ANKS6: variants seen among roughly 807,000 people sequenced by gnomAD.
ANKS6 encodes ankyrin repeat and SAM domain-containing protein 6.
A neutral mutation model predicts 77.9 loss-of-function variants in ANKS6; 47 were observed. The ratio of observed to expected loss-of-function variants is 0.60; its 90% CI spans 0.48 to 0.77. The LOEUF is 0.77. Ranked by LOEUF, ANKS6 falls within the 30% of genes least tolerant of loss-of-function variation. The pLI is 0.00. For synonymous variants in ANKS6, 488 were observed against 501.7 expected (o/e 0.97, Z 0.37); for missense variants, 1,150 against 1,159.1 (o/e 0.99, Z 0.11).
rs539167736 is a variant in ANKS6 at position 98,752,181 on chromosome 9, C to T, written c.2327-1085G>A. Among the ~76,000 whole-genome samples the T allele has an allele frequency of 3.3e-5, 5 of 152,316 alleles. No homozygotes were observed. In the East Asian group the frequency reaches 9.6e-4, roughly 29 times the overall value. ...GCATCAAGGTAAATGACAGCATTTC[C>T]AGTTTTACAAACGCTGTTTTACAGA... is the stretch of plus-strand genomic sequence containing the variant. On this transcript the variant is annotated intron_variant, in intron 12 of 14. Transcript: ENST00000353234.
intron 4 of ANKS6, among the ~76,000 whole-genome samples, chr9:98,783,162 C>G (rs1834374815): frequency 1.3e-5 from 2 of 151,822 alleles, no homozygotes; most frequent in South Asian, 4.2e-4. Context: ...GAGACAAAAC[C>G]AACAGCTCTG....
chr9:98,795,550 GCCTTTGCATGGGCCTC>G (rs1835129313), intron 1 of ANKS6, among the ~76,000 whole-genome samples: 1 of 152,148 alleles, frequency 6.6e-6, no homozygotes, highest in South Asian at 2.1e-4. Context: ...GTGCACCCAA[GCCTTTGCATGGGCCTC>G]CCATCATGCC....
intron 11 of ANKS6, among the ~76,000 whole-genome samples, chr9:98,761,307 T>C (rs1188538664): frequency 6.6e-6 from 1 of 152,202 alleles, no homozygotes; most frequent in Non-Finnish European, 1.5e-5. Flanking sequence ...CCTCACTCTG[T>C]AGCCCAGGCT....
rs373863905 is a variant in ANKS6 at position 98,778,289 on chromosome 9, C to T, written c.1504G>A (p.Ala502Thr). Residue 502 changes from alanine (A) to threonine (T), a missense_variant, in exon 7 of 15, where the codon GCC (alanine) becomes ACC (threonine). Coordinates refer to ENST00000353234, the MANE Select transcript of ANKS6 (RefSeq NM_173551.5). Reference sequence around the variant, plus strand: ...GAGCGGCTTGTCTTGTCCTGGGGGGCAGCCCTCATTGTGGAGTCCAGAGCT... The same window carrying T: ...GAGCGGCTTGTCTTGTCCTGGGGGGTAGCCCTCATTGTGGAGTCCAGAGCT... The part of the protein sequence containing the change: ...EPALDSTMRA[A>T]PQDKTSRSAL... The T allele has an allele frequency of 6.2e-7, 1 of 1,613,992 alleles. No homozygotes were observed. Among genetic ancestry groups the T allele is most frequent in the East Asian group, 2.2e-5 (1 of 44,878 alleles).
chr9:98,791,114 TTC>T lies in ANKS6; in HGVS notation c.360-510_360-509del, dbSNP rs1306435304. 2.0e-5 allele frequency among the ~76,000 whole-genome samples: 3 copies of T among 152,344 alleles called. No homozygotes were observed. The East Asian group carries it at 5.8e-4, about 29-fold the overall frequency. The stretch of plus-strand genomic sequence containing the variant: ...GTGTGAATGCCGCTGCCCTTGCTTT[TTC>T]TCTTACACCATGCTGCCTCCTACAT... On this transcript the variant is annotated intron_variant, in intron 1 of 14. Transcript: ENST00000353234. This position sits in a 1 kb window ranked among gnomAD's most constrained non-coding sequence, Gnocchi z 4.3.
At chr9:98,744,110 T>C (rs1330197094) in intron 14 of ANKS6, among the ~76,000 whole-genome samples, 5 of 152,188 alleles carry the variant, frequency 3.3e-5, no homozygotes, top group Admixed American at 2.0e-4. Flanking sequence ...TGAGGTGGTC[T>C]AGGCCCACGC....
intron 14 of ANKS6, among the ~76,000 whole-genome samples, chr9:98,741,432 GAAAAAACAAAAAAA>G (rs1831823150): frequency 6.6e-6 from 1 of 151,540 alleles, no homozygotes; most frequent in South Asian, 2.1e-4. Flanking sequence ...CTTTAAAAAA[GAAAAAACAAAAAAA>G]AGGACACAAA....
chr9:98,751,747 T>C (rs1832439856), intron 12 of ANKS6, among the ~76,000 whole-genome samples: 1 of 152,056 alleles, frequency 6.6e-6, no homozygotes, highest in Non-Finnish European at 1.5e-5. Flanking sequence ...TTTGCCAAAC[T>C]AGGAACTGGG....
rs146104372 is a variant in ANKS6 at position 98,756,697 on chromosome 9, T to C, written c.2143-94A>G. 6.5e-6 allele frequency: 7 copies of C among 1,070,012 alleles called. 1 individual carries two copies. The Admixed American group carries it at 1.0e-4, about 16-fold the overall frequency. 66.3% of individuals were successfully genotyped at this position (1,070,012 alleles called of 1,614,324 possible). A position where few individuals can be genotyped will look rare whatever the true frequency, so the allele number is the denominator to read the frequency against. Reference sequence around the variant, plus strand: ...CCACAACAGGGAACATGGGTGGTATTTGATTCAACATGATGTTTAACCAAG... The same window carrying C: ...CCACAACAGGGAACATGGGTGGTATCTGATTCAACATGATGTTTAACCAAG... On this transcript the variant is annotated intron_variant, in intron 11 of 14. Transcript: ENST00000353234.
chr9:98,755,681 CAT>C (rs1414226224), intron 12 of ANKS6, among the ~76,000 whole-genome samples: 20 of 152,302 alleles, frequency 1.3e-4, no homozygotes, highest in East Asian at 1.9e-4. Context: ...TTCCAATACA[CAT>C]ATGTCAGTAG....
At chr9:98,771,409 G>A (rs1308112103) in intron 9 of ANKS6, among the ~76,000 whole-genome samples, 1 of 152,164 alleles carries the variant, frequency 6.6e-6, no homozygotes, top group African/African-American at 2.4e-5. Context: ...GCACCGCCGG[G>A]CACAGTGACC....
At position 98,755,789 on chromosome 9, in the gene ANKS6, AG is replaced by A. The variant is rs547925943; in HGVS notation, c.2326+630del. 3.0e-4 allele frequency among the ~76,000 whole-genome samples: 46 copies of A among 152,314 alleles called. 1 individual carries two copies. The East Asian group carries it at 8.1e-3, about 27-fold the overall frequency. ...CTGTGGACACAGAGATAGTCAAGGG[AG>A]GGCAACTGACCTAGGTCATTATAAA... On this transcript the variant is annotated intron_variant, in intron 12 of 14. Coordinates refer to ENST00000353234, the MANE Select transcript of ANKS6 (RefSeq NM_173551.5).
chr9:98,782,746 A>T (rs1046684261), intron 4 of ANKS6, among the ~76,000 whole-genome samples, 173 bp from the exon 5 acceptor site: 1 of 152,168 alleles, frequency 6.6e-6, no homozygotes, highest in Non-Finnish European at 1.5e-5. Context: ...GTCAAGCGGG[A>T]ACATGATTTA....
intron 1 of ANKS6, among the ~76,000 whole-genome samples, chr9:98,793,764 ACCT>A (rs1835031177): frequency 6.7e-6 from 1 of 149,874 alleles, no homozygotes; most frequent in Non-Finnish European, 1.5e-5. Context: ...CGATCTCCTG[ACCT>A]CCTGATCTGC....
intron 13 of ANKS6, chr9:98,745,925 G>A: frequency 2.2e-6 from 1 of 449,348 alleles, no homozygotes; most frequent in South Asian, 3.1e-5. Context: ...AAATGAGCCA[G>A]GTAAGAAAAA....
At chr9:98,737,157 G>A (rs1831543449) in intron 14 of ANKS6, among the ~76,000 whole-genome samples, 1 of 152,150 alleles carries the variant, frequency 6.6e-6, no homozygotes, top group Non-Finnish European at 1.5e-5. Context: ...GAGAAAAGAG[G>A]GTGGATGTGA....
At chr9:98,785,384 T>C (rs931739601) in intron 2 of ANKS6, among the ~76,000 whole-genome samples, 3 of 152,122 alleles carry the variant, frequency 2.0e-5, no homozygotes, top group African/African-American at 4.8e-5. Flanking sequence ...TTCCCTCCCA[T>C]GTAAGAAGCA....
chr9:98,783,966 C>A lies in ANKS6; in HGVS notation c.1099G>T (p.Ala367Ser), dbSNP rs201416355. The part of the protein sequence containing the change: ...SVHGWTALMQ[A>S]TYHGNKEIVK... ...GCTGGCACTGACCCATGGTAGGTTG[C>A]CTGCATGAGGGCCGTCCAGCCATGC... Residue 367 changes from alanine (A) to serine (S), a missense_variant, in exon 4 of 15, where the codon GCA becomes TCA. Transcript: ENST00000353234. 7.8e-5 allele frequency: 125 copies of A among 1,594,636 alleles called. No individual in the cohort carries two copies. Among genetic ancestry groups the A allele is most frequent in the Non-Finnish European group, 5.3e-5 (62 of 1,171,472 alleles).
chr9:98,772,584 C>G (rs978269587), intron 9 of ANKS6, among the ~76,000 whole-genome samples: 1 of 152,206 alleles, frequency 6.6e-6, no homozygotes. Flanking sequence ...TGACAGATCC[C>G]AGGGCCCTGG....
Sources: gnomAD v4.1 joint callset for allele counts (sites outside exome capture counted in the v4.1 genomes callset) on GRCh38, gnomAD v4.1.1 for gene constraint, Gnocchi (gnomAD v3.1) non-coding constraint, MANE v1.5 for transcripts, NCBI Gene and HGNC (gene_info 2026-07-23, HGNC 2026-07-21) for gene names.